COPZ1: variants seen among roughly 807,000 people sequenced by gnomAD.
COPZ1 encodes the protein coat protein complex I subunit zeta 1.
Under a neutral mutation model 31.7 loss-of-function variants are expected in COPZ1, and 4 were observed. That is an observed-to-expected ratio of 0.13 (90% CI 0.06 to 0.29). The LOEUF is 0.29. COPZ1 is among the 10% of genes least tolerant of loss of function. COPZ1 has a pLI of 1.00. For synonymous variants in COPZ1, 74 were observed against 79.0 expected, an observed-to-expected ratio of 0.94 and a Z score of 0.33; for missense variants, 156 against 211.5, an observed-to-expected ratio of 0.74 and a Z score of 1.63.
chr12:54,335,448 G>A (rs1336626094), intron 1 of COPZ1, among the ~76,000 whole-genome samples: 3 of 149,886 alleles, frequency 2.0e-5, no homozygotes, highest in Non-Finnish European at 3.0e-5. Flanking sequence ...TTGCTCTGTC[G>A]CCCAGGCTGG....
In COPZ1 at chr12:54,350,134, C is replaced by T. The variant is rs1007877328; in HGVS notation, c.487-342C>T. 1.6e-5 allele frequency: 10 copies of T among 642,430 alleles called. No homozygotes were observed. The South Asian group carries it at 1.6e-4, about 10-fold the overall frequency. The allele number at this position is 642,430 out of a possible 1,614,324, so 39.8% of individuals were successfully genotyped here. A position where few individuals can be genotyped will look rare whatever the true frequency, so the allele number is the denominator to read the frequency against. On this transcript the variant is annotated intron_variant, in intron 8 of 8. Transcript: ENST00000262061. ...GGGAAGGGAGGGGTTCCGTTTTCTA[C>T]CCACTTGGAATTCTCACCAAGAAGT... is the stretch of plus-strand genomic sequence containing the variant.
chr12:54,339,990 T>C (rs1419035999), intron 1 of COPZ1, among the ~76,000 whole-genome samples: 6 of 148,578 alleles, frequency 4.0e-5, no homozygotes, highest in Non-Finnish European at 7.4e-5. Flanking sequence ...CGTGTGTGTG[T>C]GTGTGTGTGT....
chr12:54,334,433 G>A (rs988533871), intron 1 of COPZ1, among the ~76,000 whole-genome samples: 1 of 151,424 alleles, frequency 6.6e-6, no homozygotes, highest in African/African-American at 2.4e-5. Flanking sequence ...AAAAAAATCT[G>A]ATATGTAAAA....
chr12:54,342,917 C>CGA (rs1953999568), intron 3 of COPZ1, among the ~76,000 whole-genome samples: 1 of 142,260 alleles, frequency 7.0e-6, no homozygotes, highest in South Asian at 2.2e-4. Flanking sequence ...AGTACAGTGG[C>CGA]GAGATCTCGG....
chr12:54,350,663 T>C lies in COPZ1; in HGVS notation c.*140T>C. 1 of 744,860 alleles carries C rather than the reference T, an allele frequency of 1.3e-6. No homozygotes were observed. The allele number at this position is 744,860 out of a possible 1,614,324, so 46.1% of individuals were successfully genotyped here. On this transcript the variant is annotated 3_prime_UTR_variant, in exon 9 of 9. Coordinates refer to ENST00000262061, the MANE Select transcript of COPZ1 (RefSeq NM_016057.3). ...CCTTAAATCTCCATTCTGTTTGTGG[T>C]TGCCCCCTCAACCTCCCCTACACCC...
intron 1 of COPZ1, chr12:54,337,374 G>T: frequency 2.0e-6 from 1 of 510,384 alleles, no homozygotes; most frequent in South Asian, 1.4e-5. Context: ...TTTCAGTGTG[G>T]CCCTAAGCTG....
At position 54,350,875 on chromosome 12, in the gene COPZ1, GA is replaced by G. The variant is rs1954136026; in HGVS notation, c.*354del. 1 of 294,232 alleles carries G rather than the reference GA, an allele frequency of 3.4e-6. No homozygotes were observed. The highest frequency in any genetic ancestry group is 4.6e-5 in the South Asian group (1 of 21,738). The allele number at this position is 294,232 out of a possible 1,614,324, so 18.2% of individuals were successfully genotyped here. On this transcript the variant is annotated 3_prime_UTR_variant, in exon 9 of 9. Coordinates refer to ENST00000262061, the MANE Select transcript of COPZ1 (RefSeq NM_016057.3). Reference sequence around the variant, plus strand: ...ACACTTCAGATTAAAGTAGGAGAAAGAATGTGCTGAGTGTTTTCCTCCCTTT... The same window carrying G: ...ACACTTCAGATTAAAGTAGGAGAAAGATGTGCTGAGTGTTTTCCTCCCTTT...
intron 4 of COPZ1, 69 bp from the exon 5 acceptor site, chr12:54,345,391 G>T: frequency 4.2e-6 from 5 of 1,178,448 alleles, no homozygotes; most frequent in Non-Finnish European, 6.3e-6. Context: ...GAATTAGGAG[G>T]TTTTGTTTTT....
At chr12:54,338,096 T>A (rs151050678) in intron 1 of COPZ1, among the ~76,000 whole-genome samples, 9 of 152,310 alleles carry the variant, frequency 5.9e-5, no homozygotes, top group African/African-American at 2.2e-4. Context: ...ACTCTATGGC[T>A]GCAAGAACCA....
rs1954149283 is a variant in COPZ1, at chr12:54,351,581, A to G, written c.*1058A>G. On this transcript the variant is annotated 3_prime_UTR_variant, in exon 9 of 9. Transcript: ENST00000262061. ...AAACCTTTGGGGTTTGGATTTCCCC[A>G]GGAAGATGGAGAATGGAATACTCAC... The G allele has an allele frequency of 1.3e-5, 2 of 152,192 alleles. No individual in the cohort carries two copies. The highest frequency in any genetic ancestry group is 4.1e-4 in the South Asian group (2 of 4,834). 9.4% of individuals were successfully genotyped at this position (152,192 alleles called of 1,614,324 possible). A position where few individuals can be genotyped will look rare whatever the true frequency, so the allele number is the denominator to read the frequency against.
At position 54,351,740 on chromosome 12, in the gene COPZ1, CG is replaced by C. The variant is rs1954152564; in HGVS notation, c.*1221del. The C allele has an allele frequency of 6.6e-6, 1 of 152,166 alleles. No homozygotes were observed. Among genetic ancestry groups the C allele is most frequent in the Admixed American group, 6.5e-5 (1 of 15,276 alleles). 9.4% of individuals were successfully genotyped at this position (152,166 alleles called of 1,614,324 possible). A position where few individuals can be genotyped will look rare whatever the true frequency, so the allele number is the denominator to read the frequency against. On this transcript the variant is annotated 3_prime_UTR_variant, in exon 9 of 9. Transcript: ENST00000262061. Reference sequence around the variant, plus strand: ...TCCAGCACTGAGGTGGGGCAGATAACGGGGCATATTTAAGGGGGCATCTTTG... The same window carrying C: ...TCCAGCACTGAGGTGGGGCAGATAACGGGCATATTTAAGGGGGCATCTTTG...
At chr12:54,337,335 T>A in intron 1 of COPZ1, 1 of 532,774 alleles carries the variant, frequency 1.9e-6, no homozygotes, top group South Asian at 1.4e-5. Flanking sequence ...ATTTTGGGAG[T>A]GGGAGGGAAG....
intron 1 of COPZ1, 141 bp downstream of exon 1, chr12:54,325,322 T>A: frequency 9.0e-7 from 1 of 1,109,064 alleles, no homozygotes; most frequent in East Asian, 2.6e-5. Context: ...GGAATAAGTG[T>A]GTGGCCTAGT....
chr12:54,342,307 C>G lies in COPZ1; in HGVS notation c.169+20C>G. ...CTGACAGTAGGTCATTTTCCTTTCA[C>G]TACTACCCGTGCTGGGGGGAACCAT... On this transcript the variant is annotated intron_variant, in intron 3 of 8. Transcript: ENST00000262061. 2 of 1,575,660 alleles carry G rather than the reference C, an allele frequency of 1.3e-6. No individual in the cohort carries two copies.
chr12:54,336,656 CTT>C (rs959533902), intron 1 of COPZ1, among the ~76,000 whole-genome samples: 17 of 151,692 alleles, frequency 1.1e-4, no homozygotes, highest in Admixed American at 8.5e-4. Context: ...AGGAATGACT[CTT>C]TCCCTCTAGT....
chr12:54,338,525 A>G (rs1296596538), intron 1 of COPZ1, among the ~76,000 whole-genome samples: 1 of 152,214 alleles, frequency 6.6e-6, no homozygotes, highest in Non-Finnish European at 1.5e-5. Context: ...ATCTCTAAGG[A>G]GTGTTTATCA....
intron 1 of COPZ1, among the ~76,000 whole-genome samples, chr12:54,327,694 T>C (rs1029598240): frequency 6.6e-6 from 1 of 150,414 alleles, no homozygotes; most frequent in Non-Finnish European, 1.5e-5. Flanking sequence ...AGCCTGGGAG[T>C]TTGAGGCTGC....
intron 1 of COPZ1, among the ~76,000 whole-genome samples, chr12:54,330,480 T>C (rs1475447709): frequency 6.6e-6 from 1 of 152,170 alleles, no homozygotes; most frequent in Admixed American, 6.6e-5. Flanking sequence ...TTTTTCCCTC[T>C]TCTTCACAGT....
At chr12:54,347,876 GA>G (rs1178161794) in intron 6 of COPZ1, 32 bp downstream of exon 6, 2 of 1,610,842 alleles carry the variant, frequency 1.2e-6, no homozygotes, top group East Asian at 4.5e-5. Context: ...GATCTTGGGT[GA>G]GGTGGCGGGA....
Sources: gnomAD v4.1 joint callset for allele counts (sites outside exome capture counted in the v4.1 genomes callset) on GRCh38, gnomAD v4.1.1 for gene constraint, MANE v1.5 for transcripts, NCBI Gene and HGNC (gene_info 2026-07-23, HGNC 2026-07-21) for gene names.